The following MAGI2 variants were observed in gnomAD, a reference collection of about 807,000 sequenced individuals.
MAGI2 encodes the protein membrane-associated guanylate kinase, WW and PDZ domain-containing protein 2.
MAGI2 carries 35 observed loss-of-function variants against 133.3 expected under a neutral mutation model. The observed-to-expected ratio is 0.26, with a 90% CI of 0.20 to 0.35. The LOEUF (loss-of-function observed/expected upper bound fraction) is 0.35. MAGI2 is among the 10% of genes least tolerant of loss of function. MAGI2 has a pLI of 1.00. For missense variants in MAGI2, 1,636 were observed against 1,863.4 expected (o/e 0.88, Z 2.25); for synonymous variants, 729 against 710.6 (o/e 1.03, Z -0.41).
At chr7:78,676,153 T>G in intron 2 of MAGI2, among the ~76,000 whole-genome samples, 1 of 152,268 alleles carries the variant, frequency 6.6e-6, no homozygotes, top group East Asian at 1.9e-4. Flanking sequence ...AAATCCATTA[T>G]AAAGAATGAG....
intron 6 of MAGI2, among the ~76,000 whole-genome samples, chr7:78,460,899 G>C (rs568274922): frequency 1.3e-5 from 2 of 151,928 alleles, no homozygotes; most frequent in African/African-American, 4.8e-5. Context: ...CAACCTCTCA[G>C]ACAGGGTGCC....
At chr7:79,414,153 C>T (rs530230014) in intron 1 of MAGI2, 2 of 152,264 alleles carry the variant, frequency 1.3e-5, no homozygotes, top group East Asian at 3.9e-4. Flanking sequence ...AATAAACAAT[C>T]ACCGTGTCTT....
At chr7:78,764,913 C>A (rs188249947) in intron 2 of MAGI2, among the ~76,000 whole-genome samples, 812 of 54,720 alleles carry the variant, frequency 0.015, 7 homozygotes, top group African/African-American at 0.037. Context: ...AACTTATTAC[C>A]AGCTTAGTTA....
At chr7:78,160,557 C>A (rs1297242941) in intron 15 of MAGI2, among the ~76,000 whole-genome samples, 1 of 152,196 alleles carries the variant, frequency 6.6e-6, no homozygotes, top group Admixed American at 6.5e-5. Flanking sequence ...GGACTGCAAA[C>A]CCCTGGGACA....
At chr7:79,205,825 T>A (rs988542369) in intron 1 of MAGI2, among the ~76,000 whole-genome samples, 8 of 151,730 alleles carry the variant, frequency 5.3e-5, no homozygotes, top group Middle Eastern at 3.4e-3. Context: ...GTTATAACTA[T>A]AAGATGATTT....
chr7:79,155,960 C>G lies in MAGI2; in HGVS notation c.302-148754G>C, dbSNP rs146349565. ...TTGGCTAGAGTATGCAGATTGGAGT[C>G]ACCCTGAATGCTAACATTTGGTATA... is the stretch of plus-strand genomic sequence containing the variant. On this transcript the variant is annotated intron_variant, in intron 1 of 21. Transcript: ENST00000354212. Among the ~76,000 whole-genome samples the G allele has an allele frequency of 2.3e-3, 352 of 152,224 alleles. 2 individuals carry two copies. Among genetic ancestry groups the G allele is most frequent in the African/African-American group, 7.8e-3 (323 of 41,556 alleles).
chr7:78,270,895 G>T (rs1270776231), intron 9 of MAGI2, among the ~76,000 whole-genome samples: 1 of 151,440 alleles, frequency 6.6e-6, no homozygotes, highest in Non-Finnish European at 1.5e-5. Flanking sequence ...TGGAAGTATT[G>T]CACATAATTG....
At chr7:79,339,391 T>A (rs1187087406) in intron 1 of MAGI2, among the ~76,000 whole-genome samples, 1 of 152,020 alleles carries the variant, frequency 6.6e-6, no homozygotes. Flanking sequence ...CTGTTACAGA[T>A]GATGCAATCA....
rs116244158 is a variant in MAGI2, at chr7:79,296,791, A to G, written c.301+156229T>C. 3.3e-3 allele frequency among the ~76,000 whole-genome samples: 495 copies of G among 152,256 alleles called. 2 individuals carry two copies. The highest frequency in any genetic ancestry group is 0.011 in the African/African-American group (476 of 41,544). On this transcript the variant is annotated intron_variant, in intron 1 of 21. Transcript: ENST00000354212. The stretch of plus-strand genomic sequence containing the variant: ...GGCATAAAGTTACAGTTGGATGGAA[A>G]GAAGACATTCTGGTGTTCTACTTCA...
intron 2 of MAGI2, among the ~76,000 whole-genome samples, chr7:78,950,871 G>T (rs549139655): frequency 1.3e-5 from 2 of 152,008 alleles, no homozygotes; most frequent in South Asian, 2.1e-4. Flanking sequence ...AAATACAAGT[G>T]GATATAATGT....
At chr7:79,154,297 A>G (rs1823549514) in intron 1 of MAGI2, among the ~76,000 whole-genome samples, 1 of 152,236 alleles carries the variant, frequency 6.6e-6, no homozygotes, top group Admixed American at 6.5e-5. Context: ...TTGACAAAAG[A>G]GCAAAGAAAA....
At chr7:78,773,465 C>T (rs1000512334) in intron 2 of MAGI2, among the ~76,000 whole-genome samples, 4 of 152,206 alleles carry the variant, frequency 2.6e-5, no homozygotes, top group Non-Finnish European at 2.9e-5. Context: ...CTAATGCACT[C>T]ATTTATTCAA....
At chr7:78,770,415 G>A (rs1825463856) in intron 2 of MAGI2, among the ~76,000 whole-genome samples, 2 of 152,114 alleles carry the variant, frequency 1.3e-5, no homozygotes, top group African/African-American at 2.4e-5. Flanking sequence ...CAATTACGTG[G>A]GAAATAAAGA....
chr7:78,267,002 G>A (rs1273909548), intron 9 of MAGI2, among the ~76,000 whole-genome samples: 1 of 152,176 alleles, frequency 6.6e-6, no homozygotes, highest in Non-Finnish European at 1.5e-5. Flanking sequence ...CACACTGGGT[G>A]TTGCAGGATG....
chr7:78,490,315 C>T (rs1793484432), intron 5 of MAGI2, among the ~76,000 whole-genome samples: 1 of 152,036 alleles, frequency 6.6e-6, no homozygotes, highest in South Asian at 2.1e-4. Context: ...ATAGCATGTT[C>T]TTGGGATTCC....
At chr7:79,211,290 T>A (rs1160983742) in intron 1 of MAGI2, among the ~76,000 whole-genome samples, 1 of 152,036 alleles carries the variant, frequency 6.6e-6, no homozygotes, top group Non-Finnish European at 1.5e-5. Flanking sequence ...TTATTTATTT[T>A]TTTTAAGACA....
At chr7:79,188,214 A>G (rs745756845) in intron 1 of MAGI2, among the ~76,000 whole-genome samples, 43 of 151,850 alleles carry the variant, frequency 2.8e-4, no homozygotes, top group Non-Finnish European at 5.6e-4. Context: ...CTATCAACCC[A>G]TCACCTAGGT....
chr7:78,690,298 C>G (rs191015319), intron 2 of MAGI2, among the ~76,000 whole-genome samples: 2 of 152,164 alleles, frequency 1.3e-5, no homozygotes, highest in African/African-American at 4.8e-5. Flanking sequence ...GGGAGTGAAT[C>G]GTACATGTAA....
At chr7:78,771,702 T>C (rs367555083) in intron 2 of MAGI2, among the ~76,000 whole-genome samples, 3 of 152,114 alleles carry the variant, frequency 2.0e-5, no homozygotes, top group East Asian at 1.9e-4. Flanking sequence ...TTCAAATTGG[T>C]CTTTTCTTTG....
Sources: gnomAD v4.1 joint callset for allele counts (sites outside exome capture counted in the v4.1 genomes callset) on GRCh38, gnomAD v4.1.1 for gene constraint, MANE v1.5 for transcripts, NCBI Gene and HGNC (gene_info 2026-07-23, HGNC 2026-07-21) for gene names.